Variants in PLA2G4F observed in about 807,000 individuals in gnomAD.
The protein encoded by PLA2G4F is cytosolic phospholipase A2 zeta.
In PLA2G4F, 105 loss-of-function variants were observed where a neutral mutation model predicts 103.1. The observed-to-expected ratio is 1.02, with a 90% CI of 0.87 to 1.20. The LOEUF (loss-of-function observed/expected upper bound fraction) is 1.20. Among genes scored for constraint, PLA2G4F ranks in the 50% most tolerant of loss-of-function variants. The probability of loss-of-function intolerance (pLI) is 0.00; values close to 1 mark genes in which losing one functional copy is unlikely to be tolerated. For synonymous variants in PLA2G4F, 468 were observed against 441.1 expected (o/e 1.06, Z -0.76); for missense variants, 1,155 against 1,075.9 (o/e 1.07, Z -1.03).
At chr15:42,143,052 G>A (rs2048841589) in intron 18 of PLA2G4F, among the ~76,000 whole-genome samples, 1 of 151,702 alleles carries the variant, frequency 6.6e-6, no homozygotes. Flanking sequence ...GGTGGTGTGT[G>A]CCTATAGTCC....
chr15:42,142,692 T>C lies in PLA2G4F; in HGVS notation c.2165A>G (p.Tyr722Cys), dbSNP rs756343115. The part of the protein sequence containing the change: ...PFEVLKMTEK[Y>C]CLDRGIPFPS... ...GAAGGGGATTCCTCGGTCCAGGCAG[T>C]ACTTCTCTGTCATCTTCAAGACCTG... Residue 722 changes from tyrosine (Y) to cysteine (C), a missense_variant, in exon 19 of 20, where the codon TAC (tyrosine) becomes TGC (cysteine). Tyr to Cys is a radical substitution (Grantham distance 194). Around this residue, in one of 3 missense-constraint regions of PLA2G4F, gnomAD observed 782 missense variants for 692.9 expected, o/e 1.13. Transcript: ENST00000397272. 1.7e-5 allele frequency: 27 copies of C among 1,613,976 alleles called. No homozygotes were observed. The highest frequency in any genetic ancestry group is 1.3e-4 in the East Asian group (6 of 44,882).
rs140300563 is a variant in PLA2G4F at position 42,149,805 on chromosome 15, C to G, written c.967G>C (p.Gly323Arg). 3 of 1,614,192 alleles carry G rather than the reference C, an allele frequency of 1.9e-6. No homozygotes were observed. The highest frequency in any genetic ancestry group is 2.5e-6 in the Non-Finnish European group (3 of 1,180,050). ...DLRLGFDLSDGEQEFLDRRKQ... is the reference protein window; with the variant it reads ...DLRLGFDLSDREQEFLDRRKQ... Reference sequence around the variant, plus strand: ...CTCCTGTCCAGAAACTCCTGCTCCCCGTCAGAGAGGTCAAAGCCAAGGCGT... The same window carrying G: ...CTCCTGTCCAGAAACTCCTGCTCCCGGTCAGAGAGGTCAAAGCCAAGGCGT... The change falls in exon 11 of 20, where the codon GGG becomes CGG. Residue 323 changes from glycine (G) to arginine (R), a missense_variant. Gly to Arg is a moderately radical substitution (Grantham distance 125). Around this residue, in one of 3 missense-constraint regions of PLA2G4F, gnomAD observed 782 missense variants for 692.9 expected, o/e 1.13. Transcript: ENST00000397272.
intron 13 of PLA2G4F, among the ~76,000 whole-genome samples, chr15:42,146,490 G>T (rs2141129044): frequency 6.6e-6 from 1 of 152,356 alleles, no homozygotes; most frequent in Non-Finnish European, 1.5e-5. Flanking sequence ...ATTCAAAACA[G>T]CGTATCAGAA....
intron 18 of PLA2G4F, among the ~76,000 whole-genome samples, chr15:42,143,115 G>A (rs1025913857): frequency 6.8e-6 from 1 of 146,398 alleles, no homozygotes; most frequent in Non-Finnish European, 1.5e-5. Flanking sequence ...GGAGGCAGAG[G>A]TTGCAGCGAG....
At position 42,144,155 on chromosome 15, in the gene PLA2G4F, C is replaced by T. The variant is rs1293612369; in HGVS notation, c.1976-11G>A. ...CGTCCGGGTGTGTGTCTGCAAGGAA[C>T]CCATGTGTACGCACAGGGACGAATG... On this transcript the variant is annotated splice_polypyrimidine_tract_variant and intron_variant, in intron 17 of 19. Coordinates refer to ENST00000397272, the MANE Select transcript of PLA2G4F (RefSeq NM_213600.4). 2 of 1,598,758 alleles carry T rather than the reference C, an allele frequency of 1.3e-6. No homozygotes were observed. Among genetic ancestry groups the T allele is most frequent in the Non-Finnish European group, 1.7e-6 (2 of 1,173,084 alleles).
At chr15:42,142,848 T>G (rs762382744) in intron 18 of PLA2G4F, 134 bp from the exon 19 acceptor site, 39 of 921,274 alleles carry the variant, frequency 4.2e-5, no homozygotes, top group Non-Finnish European at 5.6e-5. Context: ...AGGTGACAGC[T>G]CCTTTCTGAG....
intron 13 of PLA2G4F, 32 bp from the exon 14 acceptor site, chr15:42,146,273 T>A: frequency 1.3e-6 from 2 of 1,596,000 alleles, no homozygotes; most frequent in Non-Finnish European, 1.7e-6. Flanking sequence ...CAGCTTGGCC[T>A]TTCAGGAGTT....
Position 42,146,143 on chromosome 15 carries a change from A to T in PLA2G4F, c.1518T>A (p.Ser506Arg). The change falls in exon 14 of 20, where the codon AGT (serine) becomes AGA (arginine). Residue 506 changes from serine (S) to arginine (R), a missense_variant. By Grantham distance (110) the Ser-to-Arg change is moderately radical. Around this residue, in one of 3 missense-constraint regions of PLA2G4F, gnomAD observed 782 missense variants for 692.9 expected, o/e 1.13. Coordinates refer to ENST00000397272, the MANE Select transcript of PLA2G4F (RefSeq NM_213600.4). ...YTSVNVRTNLSGEDFAEWCEF... is the reference protein window; with the variant it reads ...YTSVNVRTNLRGEDFAEWCEF... The stretch of plus-strand genomic sequence containing the variant: ...CCCAGGCACCTGCAAAATCTTCCCC[A>T]CTCAAGTTGGTGCGGACGTTGACAC... The T allele has an allele frequency of 6.2e-7, 1 of 1,614,000 alleles. No homozygotes were observed. Among genetic ancestry groups the T allele is most frequent in the Non-Finnish European group, 8.5e-7 (1 of 1,179,954 alleles).
intron 1 of PLA2G4F, among the ~76,000 whole-genome samples, chr15:42,155,819 C>T (rs944796418): frequency 1.3e-5 from 2 of 152,202 alleles, no homozygotes; most frequent in African/African-American, 2.4e-5. Context: ...AAATCCAGCA[C>T]GGACTCACTG....
rs1452902022 is a variant in PLA2G4F at position 42,156,507 on chromosome 15, G to C, written c.43C>G (p.Leu15Val). 4 of 1,559,502 alleles carry C rather than the reference G, an allele frequency of 2.6e-6. No homozygotes were observed. The highest frequency in any genetic ancestry group is 3.5e-6 in the Non-Finnish European group (4 of 1,150,880). ...LWPRWLADKM[L>V]PLLGAVLLQK... Reference sequence around the variant, plus strand: ...AGCAGCACTGCCCCCAGGAGGGGCAGCATCTTGTCTGCCAGCCACCTTGGC... The same window carrying C: ...AGCAGCACTGCCCCCAGGAGGGGCACCATCTTGTCTGCCAGCCACCTTGGC... The change falls in exon 1 of 20, where the codon CTG becomes GTG. Residue 15 changes from leucine to valine, a missense_variant. Leu to Val is a conservative substitution (Grantham distance 32). Coordinates refer to ENST00000397272, the MANE Select transcript of PLA2G4F (RefSeq NM_213600.4).
chr15:42,141,995 C>G lies in PLA2G4F; in HGVS notation c.2539G>C (p.Ala847Pro). ...ALDRHQARER[A>P]GA is the part of the protein sequence containing the mutation. ...GCTTCCTGCCTTGGTCAGGCCCCTG[C>G]CCTCTCCCGAGCCTGGTGCCGGTCC... The change falls in exon 20 of 20, where the codon GCA (alanine) becomes CCA (proline). Residue 847 changes from alanine (A) to proline (P), a missense_variant. By Grantham distance (27) the Ala-to-Pro change is conservative. This residue lies in a region of PLA2G4F where 782 missense variants were observed against 692.9 expected (regional missense o/e 1.13). Transcript: ENST00000397272. The G allele has an allele frequency of 6.2e-7, 1 of 1,613,576 alleles. No individual in the cohort carries two copies. The highest frequency in any genetic ancestry group is 8.5e-7 in the Non-Finnish European group (1 of 1,179,856).
intron 11 of PLA2G4F, 32 bp downstream of exon 11, chr15:42,149,681 C>T: frequency 6.2e-7 from 1 of 1,613,138 alleles, no homozygotes. Flanking sequence ...GTCCTAGAGG[C>T]TCTGGGGTCC....
intron 12 of PLA2G4F, 134 bp from the exon 13 acceptor site, chr15:42,147,480 C>T (rs1029784506): frequency 1.2e-5 from 17 of 1,361,886 alleles, no homozygotes; most frequent in Middle Eastern, 2.6e-4. Context: ...CTCAGAGGGG[C>T]GCTTGGGACT....
chr15:42,146,210 T>C lies in PLA2G4F; in HGVS notation c.1451A>G (p.Glu484Gly). Residue 484 changes from glutamate to glycine, a missense_variant, in exon 14 of 20, where the codon GAG becomes GGG. Around this residue, in one of 3 missense-constraint regions of PLA2G4F, gnomAD observed 782 missense variants for 692.9 expected, o/e 1.13. Transcript: ENST00000397272. The part of the protein sequence containing the change: ...ENPAKLSDQQ[E>G]AVRQGQNPYP... ...AGGGTTCTGACCCTGGCGGACCGCC[T>C]CCTGTTGGTCAGACAGCTTGGCAGG... 5 of 1,614,248 alleles carry C rather than the reference T, an allele frequency of 3.1e-6. No homozygotes were observed. Among genetic ancestry groups the C allele is most frequent in the East Asian group, 4.5e-5 (2 of 44,888 alleles).
intron 11 of PLA2G4F, among the ~76,000 whole-genome samples, chr15:42,148,048 G>A (rs1194924908): frequency 6.6e-6 from 1 of 152,092 alleles, no homozygotes; most frequent in East Asian, 1.9e-4. Context: ...GCATGGTGGT[G>A]GGCGCCTGCC....
chr15:42,151,090 G>A, intron 7 of PLA2G4F: 4 of 985,264 alleles, frequency 4.1e-6, no homozygotes, highest in Non-Finnish European at 4.8e-6. Flanking sequence ...GATTTGAGAT[G>A]ATTCTATGTT....
chr15:42,146,354 G>T, intron 13 of PLA2G4F, 113 bp from the exon 14 acceptor site: 1 of 1,003,886 alleles, frequency 1.0e-6, no homozygotes, highest in Non-Finnish European at 1.5e-6. Context: ...GAGGCTTTGG[G>T]TCGCCAAGGC....
chr15:42,153,269 G>A (rs748361795), intron 6 of PLA2G4F, 31 bp downstream of exon 6: 12 of 1,610,848 alleles, frequency 7.4e-6, no homozygotes, highest in African/African-American at 1.3e-5. Context: ...CCCCAGCCCA[G>A]AACAGCGCCA....
intron 11 of PLA2G4F, 148 bp downstream of exon 11, chr15:42,149,565 T>A (rs1052008274): frequency 7.0e-7 from 1 of 1,429,020 alleles, no homozygotes; most frequent in African/African-American, 1.4e-5. Flanking sequence ...TGGTCCCATA[T>A]GGGGTCCTAG....
Sources: allele counts gnomAD v4.1 joint callset (sites outside exome capture counted in the v4.1 genomes callset), GRCh38; gene constraint gnomAD v4.1.1; regional missense constraint gnomAD v4.1.1; transcripts MANE v1.5; gene names NCBI Gene and HGNC (gene_info 2026-07-23, HGNC 2026-07-21).